VDR: variants seen among roughly 807,000 people sequenced by gnomAD.
VDR encodes vitamin D3 receptor.
A neutral mutation model predicts 39.7 loss-of-function variants in VDR; 19 were observed. The ratio of observed to expected loss-of-function variants is 0.48; its 90% confidence interval spans 0.33 to 0.70. The LOEUF is 0.70. Among genes scored for constraint, VDR ranks in the 30% least tolerant of loss-of-function variants. The pLI, the probability that VDR is intolerant of heterozygous loss-of-function variation, is 0.02. For synonymous variants in VDR, 242 were observed against 215.8 expected (o/e 1.12, Z -1.07); for missense variants, 442 against 570.5 (o/e 0.77, Z 2.29).
At chr12:47,879,554 C>T (rs1946098787) in intron 2 of VDR, among the ~76,000 whole-genome samples, 1 of 152,176 alleles carries the variant, frequency 6.6e-6, no homozygotes, top group African/African-American at 2.4e-5. Flanking sequence ...AACGCCCCCT[C>T]CAAGGGAAAA....
At chr12:47,849,862 T>A (rs1395237087) in intron 7 of VDR, among the ~76,000 whole-genome samples, 1 of 33,048 alleles carries the variant, frequency 3.0e-5, no homozygotes, top group Non-Finnish European at 6.6e-5. Context: ...TTATTTTAAT[T>A]TTTTTTTTGA....
At chr12:47,871,292 C>CTTTCTTTCTTTCTTTCTCTT (rs754929705) in intron 3 of VDR, among the ~76,000 whole-genome samples, 14 of 79,880 alleles carry the variant, frequency 1.8e-4, no homozygotes, top group Non-Finnish European at 3.0e-4. Flanking sequence ...CTTTCTCTTT[C>CTTTCTTTCTTTCTTTCTCTT]TCTTTCTTTC....
At chr12:47,889,564 G>T (rs562458205) in intron 1 of VDR, among the ~76,000 whole-genome samples, 2 of 152,318 alleles carry the variant, frequency 1.3e-5, no homozygotes, top group South Asian at 4.1e-4. Flanking sequence ...AGTGGGATAC[G>T]CCTGGCCTGA....
intron 3 of VDR, among the ~76,000 whole-genome samples, chr12:47,867,870 G>A (rs1294110213): frequency 2.0e-5 from 3 of 152,146 alleles, no homozygotes; most frequent in Non-Finnish European, 2.9e-5. Context: ...GAGGGGAATC[G>A]CACTCATCAA....
chr12:47,846,937 G>T, intron 7 of VDR, 129 bp from the exon 8 acceptor site: 2 of 1,080,074 alleles, frequency 1.9e-6, no homozygotes, highest in Non-Finnish European at 2.8e-6. Flanking sequence ...TCATCGAGGA[G>T]CTTGCAGGCT....
At chr12:47,897,876 G>A (rs1441441416) in intron 1 of VDR, among the ~76,000 whole-genome samples, 4 of 152,172 alleles carry the variant, frequency 2.6e-5, no homozygotes, top group Admixed American at 6.5e-5. Context: ...AAGAAGCCCA[G>A]GACAGACATG....
intron 1 of VDR, among the ~76,000 whole-genome samples, chr12:47,885,849 C>T (rs919058463): frequency 1.2e-4 from 19 of 152,172 alleles, no homozygotes; most frequent in Non-Finnish European, 2.4e-4. Flanking sequence ...GTGTGAGCCA[C>T]GCCAGGAAAG....
Position 47,844,388 on chromosome 12 carries a change from T to G in VDR, c.*358A>C. 2.3e-6 allele frequency: 1 copy of G among 427,818 alleles called. No individual in the cohort carries two copies. Among genetic ancestry groups the G allele is most frequent in the East Asian group, 4.5e-5 (1 of 22,368 alleles). The allele number at this position is 427,818 out of a possible 1,614,324, so 26.5% of individuals were successfully genotyped here. On this transcript the variant is annotated 3_prime_UTR_variant, in exon 10 of 10. Coordinates refer to ENST00000549336, the MANE Select transcript of VDR (RefSeq NM_000376.3). ...TGCAGGTGTCTCTGTCCCTGAGGAATGGATGCATTTCTCCTGTCTGTTCCC... is the reference window on the plus strand; with the variant it reads ...TGCAGGTGTCTCTGTCCCTGAGGAAGGGATGCATTTCTCCTGTCTGTTCCC...
At chr12:47,899,748 G>T in intron 1 of VDR, 1 of 305,960 alleles carries the variant, frequency 3.3e-6, no homozygotes, top group Non-Finnish European at 4.8e-6. Flanking sequence ...AGTGGTTACA[G>T]GCTGACTCTG....
chr12:47,846,086 A>G (rs1447352201), intron 9 of VDR, among the ~76,000 whole-genome samples: 1 of 152,230 alleles, frequency 6.6e-6, no homozygotes. Context: ...AACCCTGCTT[A>G]TCTAGTTCCT....
chr12:47,897,270 T>C (rs780401793), intron 1 of VDR, among the ~76,000 whole-genome samples: 1 of 152,164 alleles, frequency 6.6e-6, no homozygotes, highest in Non-Finnish European at 1.5e-5. Context: ...ACATAGTGAG[T>C]TATAGTAACC....
chr12:47,854,912 G>A (rs1025190881), intron 7 of VDR, among the ~76,000 whole-genome samples: 1 of 152,276 alleles, frequency 6.6e-6, no homozygotes, highest in Non-Finnish European at 1.5e-5. Context: ...AGCAATGGAG[G>A]CTGGCTGCTG....
chr12:47,846,487 C>G, intron 8 of VDR, 36 bp from the exon 9 acceptor site: 1 of 1,556,028 alleles, frequency 6.4e-7, no homozygotes, highest in South Asian at 1.2e-5. Context: ...GCGGGCAGAG[C>G]TGAGGAGCCG....
chr12:47,899,781 T>C, intron 1 of VDR: 1 of 560,766 alleles, frequency 1.8e-6, no homozygotes, highest in Non-Finnish European at 2.3e-6. Flanking sequence ...GGTGGCTGCA[T>C]CTCTTTAGAC....
chr12:47,886,689 T>C (rs1176016710), intron 1 of VDR, among the ~76,000 whole-genome samples: 1 of 151,920 alleles, frequency 6.6e-6, no homozygotes, highest in Non-Finnish European at 1.5e-5. Context: ...CATTCAGCTC[T>C]GAAAATCTCA....
At chr12:47,881,681 A>G (rs757618219) in intron 2 of VDR, among the ~76,000 whole-genome samples, 11 of 152,220 alleles carry the variant, frequency 7.2e-5, no homozygotes, top group Admixed American at 4.6e-4. Flanking sequence ...CCTTCTGAAT[A>G]TACAAAACGT....
chr12:47,874,791 C>T (rs1945967122), intron 3 of VDR, among the ~76,000 whole-genome samples: 2 of 152,178 alleles, frequency 1.3e-5, no homozygotes, highest in South Asian at 4.1e-4. Flanking sequence ...TACACCTTTT[C>T]CTTTATATCA....
intron 7 of VDR, among the ~76,000 whole-genome samples, chr12:47,854,745 C>G (rs552335609): frequency 2.8e-4 from 43 of 152,382 alleles, no homozygotes; most frequent in African/African-American, 9.1e-4. Context: ...GGCTTCCACA[C>G]CATCATCCAG....
intron 3 of VDR, among the ~76,000 whole-genome samples, chr12:47,873,447 G>A (rs992931192): frequency 1.5e-5 from 2 of 132,214 alleles, no homozygotes; most frequent in Admixed American, 8.3e-5. Context: ...TGCAGCCTCC[G>A]CCCCCTGGGG....
Sources: allele counts gnomAD v4.1 joint callset (sites outside exome capture counted in the v4.1 genomes callset), GRCh38; gene constraint gnomAD v4.1.1; transcripts MANE v1.5; gene names NCBI Gene and HGNC (gene_info 2026-07-23, HGNC 2026-07-21).